TBC1D10A: variants seen among roughly 807,000 people sequenced by gnomAD.
TBC1D10A encodes the protein TBC1 domain family member 10A, also known as EBP50-PDX interactor of 64 kDa.
TBC1D10A carries 24 observed loss-of-function variants against 52.9 expected under a neutral mutation model. That is an observed-to-expected ratio of 0.45 (90% CI 0.33 to 0.64). The LOEUF is 0.64. Ranked by LOEUF, TBC1D10A falls within the 30% of genes least tolerant of loss-of-function variation. The pLI, the probability that TBC1D10A is intolerant of heterozygous loss-of-function variation, is 0.02. For missense variants in TBC1D10A, 602 were observed against 687.9 expected (o/e 0.88, Z 1.40); for synonymous variants, 278 against 282.9 (o/e 0.98, Z 0.17).
chr22:30,300,926 T>C (rs1238534153), intron 2 of TBC1D10A, among the ~76,000 whole-genome samples: 1 of 152,216 alleles, frequency 6.6e-6, no homozygotes, highest in Non-Finnish European at 1.5e-5. Context: ...GAGCTAGTGC[T>C]CAATTCCGGC....
chr22:30,298,706 A>G (rs1245770383), intron 3 of TBC1D10A: 2 of 152,266 alleles, frequency 1.3e-5, no homozygotes, highest in African/African-American at 4.8e-5. Flanking sequence ...CTGCTTCCCC[A>G]TAGTTCCCTG....
chr22:30,308,299 C>A (rs549856982), intron 1 of TBC1D10A, among the ~76,000 whole-genome samples: 56 of 138,826 alleles, frequency 4.0e-4, no homozygotes, highest in Admixed American at 1.2e-3. Context: ...TGCATGCCTG[C>A]ATGCCTGCCT....
intron 1 of TBC1D10A, among the ~76,000 whole-genome samples, chr22:30,320,724 G>A (rs1181021576): frequency 5.3e-5 from 8 of 152,260 alleles, no homozygotes; most frequent in East Asian, 1.9e-4. Context: ...ATAGAACCAC[G>A]AGCTGCTCCA....
intron 2 of TBC1D10A, 58 bp downstream of exon 2, chr22:30,304,473 T>C: frequency 6.2e-7 from 1 of 1,609,562 alleles, no homozygotes; most frequent in Non-Finnish European, 8.5e-7. Context: ...TCCTCCCTCT[T>C]CCTCCTCCTC....
In TBC1D10A at chr22:30,295,798, C is replaced by T. The variant is rs767746010; in HGVS notation, c.463G>A (p.Glu155Lys). 6.2e-7 allele frequency: 1 copy of T among 1,614,056 alleles called. No homozygotes were observed. Among genetic ancestry groups the T allele is most frequent in the Non-Finnish European group, 8.5e-7 (1 of 1,180,014 alleles). ...PGDPKWLDVI[E>K]RDLHRQFPFH... ...GGGAACTGCCGGTGCAGGTCACGCT[C>T]AATCACGTCCAGCCACTTGGGGTCC... Residue 155 changes from glutamate to lysine, a missense_variant, in exon 4 of 9, where the codon GAG becomes AAG. Physicochemically the swap from Glu to Lys is moderately conservative, Grantham distance 56. Coordinates refer to ENST00000215790, the MANE Select transcript of TBC1D10A (RefSeq NM_031937.3).
chr22:30,296,085 G>C (rs1930074699), intron 3 of TBC1D10A: 1 of 527,360 alleles, frequency 1.9e-6, no homozygotes, highest in South Asian at 2.1e-5. Flanking sequence ...TAGGAAGACC[G>C]ATGAGGGCAA....
chr22:30,326,400 A>C (rs1475580952), intron 1 of TBC1D10A, among the ~76,000 whole-genome samples: 1 of 151,356 alleles, frequency 6.6e-6, no homozygotes, highest in Non-Finnish European at 1.5e-5. Flanking sequence ...AGGAGGGCAC[A>C]GTCGGTCCTT....
intron 1 of TBC1D10A, among the ~76,000 whole-genome samples, chr22:30,320,054 G>T (rs1429778016): frequency 6.6e-6 from 1 of 152,200 alleles, no homozygotes; most frequent in Non-Finnish European, 1.5e-5. Context: ...TTCACTAACA[G>T]CAAGAGTTCT....
At chr22:30,298,351 A>G (rs921295815) in intron 3 of TBC1D10A, 1 of 152,208 alleles carries the variant, frequency 6.6e-6, no homozygotes, top group Non-Finnish European at 1.5e-5. Flanking sequence ...GCTCTGGGGA[A>G]TAATCCAATC....
intron 1 of TBC1D10A, among the ~76,000 whole-genome samples, chr22:30,316,109 G>C (rs959064555): frequency 6.6e-6 from 1 of 152,220 alleles, no homozygotes; most frequent in East Asian, 1.9e-4. Context: ...AAAGCACTTT[G>C]CAGACTAAAG....
intron 1 of TBC1D10A, among the ~76,000 whole-genome samples, chr22:30,326,372 T>C (rs973273890): frequency 5.9e-5 from 9 of 151,652 alleles, no homozygotes; most frequent in African/African-American, 2.2e-4. Context: ...CAGTCTGTCA[T>C]TCTGTTCCAC....
chr22:30,315,667 A>G (rs1930521168), intron 1 of TBC1D10A, among the ~76,000 whole-genome samples: 1 of 152,184 alleles, frequency 6.6e-6, no homozygotes, highest in Non-Finnish European at 1.5e-5. Flanking sequence ...CACAGTGTCC[A>G]AGGCCCAAAG....
chr22:30,312,499 G>A (rs1290507269), intron 1 of TBC1D10A, among the ~76,000 whole-genome samples: 1 of 152,034 alleles, frequency 6.6e-6, no homozygotes, highest in Non-Finnish European at 1.5e-5. Context: ...CCCTAGACTG[G>A]GCCACTGGGT....
At chr22:30,294,138 A>G (rs751797529) in intron 6 of TBC1D10A, 28 bp from the exon 7 acceptor site, 4 of 1,606,666 alleles carry the variant, frequency 2.5e-6, no homozygotes, top group Non-Finnish European at 3.4e-6. Flanking sequence ...CCACGGGACC[A>G]TGACCGTGGG....
chr22:30,314,062 G>A (rs1930484863), intron 1 of TBC1D10A, among the ~76,000 whole-genome samples: 1 of 152,180 alleles, frequency 6.6e-6, no homozygotes, highest in South Asian at 2.1e-4. Flanking sequence ...ACAAGCCCAT[G>A]AGATAAATCC....
chr22:30,316,544 C>T (rs1449373274), intron 1 of TBC1D10A, among the ~76,000 whole-genome samples: 1 of 151,868 alleles, frequency 6.6e-6, no homozygotes, highest in Non-Finnish European at 1.5e-5. Context: ...CCTTGATTTC[C>T]CAGGCTCAAG....
chr22:30,323,022 C>A (rs748650174), intron 1 of TBC1D10A, among the ~76,000 whole-genome samples: 1 of 151,818 alleles, frequency 6.6e-6, no homozygotes, highest in Non-Finnish European at 1.5e-5. Flanking sequence ...CACCTCTCAG[C>A]CTCCCAAGTA....
intron 1 of TBC1D10A, among the ~76,000 whole-genome samples, chr22:30,322,957 G>C (rs1208741509): frequency 2.0e-5 from 3 of 148,878 alleles, no homozygotes; most frequent in African/African-American, 7.5e-5. Flanking sequence ...GTGGAGCACA[G>C]TGGCACCATC....
intron 2 of TBC1D10A, among the ~76,000 whole-genome samples, chr22:30,301,280 T>A (rs368802439): frequency 3.9e-5 from 6 of 152,036 alleles, no homozygotes; most frequent in Admixed American, 2.0e-4. Context: ...AATGCTGTGG[T>A]GGGGGAGGGG....
Sources: gnomAD v4.1 joint callset for allele counts (sites outside exome capture counted in the v4.1 genomes callset) on GRCh38, gnomAD v4.1.1 for gene constraint, MANE v1.5 for transcripts, NCBI Gene and HGNC (gene_info 2026-07-23, HGNC 2026-07-21) for gene names.